PPEF1: variants seen among roughly 807,000 people sequenced by gnomAD.
The protein encoded by PPEF1 is serine/threonine-protein phosphatase with EF-hands 1.
A neutral mutation model predicts 53.3 loss-of-function variants in PPEF1; 12 were observed. The ratio of observed to expected loss-of-function variants is 0.23; its 90% CI spans 0.14 to 0.36. The LOEUF is 0.36. Among genes scored for constraint, PPEF1 ranks in the 10% least tolerant of loss-of-function variants. The pLI is 1.00. For missense variants in PPEF1, 334 were observed against 490.4 expected, an observed-to-expected ratio of 0.68 and a Z score of 3.01; for synonymous variants, 165 against 176.7, an observed-to-expected ratio of 0.93 and a Z score of 0.52.
chrX:18,703,874 T>C (rs1394489164), upstream of PPEF1, among the ~76,000 whole-genome samples: 1 of 109,514 alleles, frequency 9.1e-6, no homozygotes, highest in Non-Finnish European at 1.9e-5. Context: ...TACTAAATGC[T>C]CAATTCTTTT....
At chrX:18,704,759 T>C (rs1228341049), upstream of PPEF1, among the ~76,000 whole-genome samples, 1 of 111,743 alleles carries the variant, frequency 8.9e-6, no homozygotes, top group Non-Finnish European at 1.9e-5. Flanking sequence ...GAAAAAAATC[T>C]TGATGCCTCA....
At chrX:18,821,912 T>A (rs2047068607) in intron 13 of PPEF1, among the ~76,000 whole-genome samples, 1 of 111,141 alleles carries the variant, frequency 9.0e-6, no homozygotes, top group Non-Finnish European at 1.9e-5. Context: ...AATCAAGAGA[T>A]GAGATCAAGC....
chrX:18,817,068 ATGTGTGTGTG>A (rs72334387), intron 12 of PPEF1, among the ~76,000 whole-genome samples: 260 of 99,996 alleles, frequency 2.6e-3, no homozygotes, highest in East Asian at 8.0e-3. Context: ...TCATTTTGCC[ATGTGTGTGTG>A]TGTGTGTGTG....
At chrX:18,802,067 T>C (rs1473017710) in intron 10 of PPEF1, among the ~76,000 whole-genome samples, 1 of 109,686 alleles carries the variant, frequency 9.1e-6, no homozygotes, top group Non-Finnish European at 1.9e-5. Context: ...ATGAAAAATA[T>C]TATTTTGTTT....
chrX:18,819,776 A>G (rs1201550965), intron 13 of PPEF1, among the ~76,000 whole-genome samples: 2 of 112,043 alleles, frequency 1.8e-5, no homozygotes, highest in Admixed American at 9.5e-5. Context: ...GAGAGAATAG[A>G]ATGTAAGAGA....
intron 12 of PPEF1, among the ~76,000 whole-genome samples, chrX:18,812,084 C>A (rs2046822827): frequency 9.0e-6 from 1 of 111,651 alleles, no homozygotes; most frequent in Non-Finnish European, 1.9e-5. Context: ...CATAAGGATT[C>A]ATTCCTATGT....
intron 6 of PPEF1, among the ~76,000 whole-genome samples, chrX:18,776,552 T>C (rs749044131): frequency 1.8e-5 from 2 of 111,769 alleles, no homozygotes; most frequent in Non-Finnish European, 3.8e-5. Context: ...TACGTTTTGA[T>C]GAACGATAGC....
chrX:18,777,770 T>C (rs755601161), intron 6 of PPEF1, among the ~76,000 whole-genome samples: 2 of 104,213 alleles, frequency 1.9e-5, no homozygotes, highest in Non-Finnish European at 3.9e-5. Flanking sequence ...TTTTTAGACA[T>C]AGTCTTTCTC....
intron 3 of PPEF1, among the ~76,000 whole-genome samples, chrX:18,686,554 C>T (rs182950207): frequency 1.8e-5 from 2 of 111,005 alleles, no homozygotes; most frequent in African/African-American, 6.5e-5. Flanking sequence ...GGAGTGGGCT[C>T]GGATAATTGG....
chrX:18,683,849 G>C (rs1928966477), intron 1 of PPEF1, among the ~76,000 whole-genome samples: 1 of 112,262 alleles, frequency 8.9e-6, no homozygotes, highest in African/African-American at 3.2e-5. Context: ...TTGGGAAGAA[G>C]AAAGCTGCAT....
chrX:18,819,553 C>A (rs1282601735), intron 13 of PPEF1, among the ~76,000 whole-genome samples: 1 of 110,542 alleles, frequency 9.0e-6, no homozygotes, highest in Non-Finnish European at 1.9e-5. Context: ...AATTAGCCAG[C>A]CATGGTGGCA....
intron 5 of PPEF1, among the ~76,000 whole-genome samples, chrX:18,758,474 G>A (rs771322867): frequency 2.7e-5 from 3 of 112,103 alleles, no homozygotes; most frequent in Admixed American, 9.5e-5. Flanking sequence ...GCAGGTAGAA[G>A]TGAATTTGAC....
intron 10 of PPEF1, among the ~76,000 whole-genome samples, chrX:18,801,406 T>C (rs1224586216): frequency 1.8e-5 from 2 of 112,053 alleles, no homozygotes; most frequent in East Asian, 5.6e-4. Context: ...CAATCATGTT[T>C]AGCAATTCCT....
intron 10 of PPEF1, among the ~76,000 whole-genome samples, chrX:18,801,485 A>G (rs995730811): frequency 1.3e-4 from 15 of 111,895 alleles, no homozygotes; most frequent in Non-Finnish European, 7.5e-5. Flanking sequence ...CTGCTTTTTC[A>G]TGCACTCAAA....
chrX:18,700,775 A>G (rs1013702155), intron 6 of PPEF1, among the ~76,000 whole-genome samples: 1 of 111,611 alleles, frequency 9.0e-6, no homozygotes, highest in Non-Finnish European at 1.9e-5. Flanking sequence ...TATTCTCCAA[A>G]CTCCACTGCA....
chrX:18,735,229 T>C (rs1431498677), intron 3 of PPEF1, among the ~76,000 whole-genome samples: 2 of 111,822 alleles, frequency 1.8e-5, no homozygotes, highest in African/African-American at 6.5e-5. Context: ...TGGTATTGCC[T>C]AGGTTTTCTT....
intron 6 of PPEF1, among the ~76,000 whole-genome samples, chrX:18,764,417 A>G (rs1280935324): frequency 9.0e-6 from 1 of 110,769 alleles, no homozygotes; most frequent in Admixed American, 9.6e-5. Context: ...TGTCCTGGGG[A>G]TGGGTGGGTC....
chrX:18,806,615 A>G (rs755695599), intron 12 of PPEF1, 70 bp downstream of exon 12: 2 of 978,560 alleles, frequency 2.0e-6, no homozygotes, highest in African/African-American at 3.8e-5. Flanking sequence ...CCACGTGACT[A>G]AGAGCAGCCA....
At chrX:18,826,907 C>T (rs2047181716) in intron 15 of PPEF1, among the ~76,000 whole-genome samples, 1 of 110,657 alleles carries the variant, frequency 9.0e-6, no homozygotes, top group Admixed American at 9.7e-5. Context: ...CTTATTGACT[C>T]CCACCGTATC....
Sources: allele counts gnomAD v4.1 joint callset (sites outside exome capture counted in the v4.1 genomes callset), GRCh38; gene constraint gnomAD v4.1.1; transcripts MANE v1.5; gene names NCBI Gene and HGNC (gene_info 2026-07-23, HGNC 2026-07-21).